The following HYAL4 variants were observed in gnomAD, a reference collection of about 807,000 sequenced individuals.
HYAL4 encodes hyaluronidase-4.
A neutral mutation model predicts 35.2 loss-of-function variants in HYAL4; 37 were observed. The ratio of observed to expected loss-of-function variants is 1.05; its 90% CI spans 0.81 to 1.38. HYAL4 has a LOEUF of 1.38. Ranked by LOEUF, HYAL4 falls within the 40% of genes most tolerant of loss-of-function variation. The probability of loss-of-function intolerance (pLI) is 0.00; values close to 1 mark genes in which losing one functional copy is unlikely to be tolerated. For synonymous variants in HYAL4, 198 were observed against 203.2 expected (o/e 0.97, Z 0.22); for missense variants, 572 against 572.4 (o/e 1.00, Z 0.01).
At chr7:123,856,896 A>T (rs1806449072) in intron 2 of HYAL4, among the ~76,000 whole-genome samples, 1 of 152,114 alleles carries the variant, frequency 6.6e-6, no homozygotes, top group Non-Finnish European at 1.5e-5. Flanking sequence ...GAGAGGAGGA[A>T]TCTAGAGAGG....
intron 2 of HYAL4, among the ~76,000 whole-genome samples, chr7:123,866,292 G>T (rs1219256288): frequency 6.6e-6 from 1 of 152,184 alleles, no homozygotes; most frequent in African/African-American, 2.4e-5. Context: ...CCAGCTTGCT[G>T]CTCCTTGACA....
At chr7:123,819,643 A>G in the HYAL4 span, among the ~76,000 whole-genome samples, 1 of 152,142 alleles carries the variant, frequency 6.6e-6, no homozygotes, top group Non-Finnish European at 1.5e-5. Flanking sequence ...CATTCTAATC[A>G]GACAGCTAAG....
chr7:123,835,892 C>T (rs2116910397), intron 1 of HYAL4, among the ~76,000 whole-genome samples: 1 of 152,164 alleles, frequency 6.6e-6, no homozygotes, highest in African/African-American at 2.4e-5. Context: ...TTTAAAGCTT[C>T]CTTTTTGGAG....
chr7:123,845,390 G>C lies in HYAL4; in HGVS notation c.-417G>C, dbSNP rs886871146. The C allele has an allele frequency of 1.5e-4, 22 of 151,466 alleles. No homozygotes were observed. Among genetic ancestry groups the C allele is most frequent in the African/African-American group, 5.1e-4 (21 of 41,202 alleles). 9.4% of individuals were successfully genotyped at this position (151,466 alleles called of 1,614,324 possible). ...TGCCCAGCTAATTTTTGTATTTTTA[G>C]TAGAGATGGGGTTTCACCATATTGG... On this transcript the variant is annotated 5_prime_UTR_variant, in exon 1 of 5. Coordinates refer to ENST00000223026, the MANE Select transcript of HYAL4 (RefSeq NM_012269.3).
chr7:123,769,312 A>G, the HYAL4 span, among the ~76,000 whole-genome samples: 1 of 152,198 alleles, frequency 6.6e-6, no homozygotes, highest in Non-Finnish European at 1.5e-5. Flanking sequence ...GTAGGAAGCC[A>G]ACTTTGGGAT....
upstream of HYAL4, among the ~76,000 whole-genome samples, chr7:123,840,647 T>C (rs952691549): frequency 7.2e-5 from 11 of 152,042 alleles, no homozygotes; most frequent in Non-Finnish European, 1.0e-4. Context: ...TTTGTTTGTG[T>C]CCTCTTTTAT....
chr7:123,777,039 A>G, the HYAL4 span, among the ~76,000 whole-genome samples: 2 of 152,208 alleles, frequency 1.3e-5, no homozygotes. Flanking sequence ...TAGGAGAATA[A>G]GAAGCTCACC....
the HYAL4 span, among the ~76,000 whole-genome samples, chr7:123,806,346 G>A: frequency 6.6e-6 from 1 of 152,180 alleles, no homozygotes; most frequent in African/African-American, 2.4e-5. Context: ...TTCCTTTCGT[G>A]TGGAGGCTTT....
At position 123,877,238 on chromosome 7, in the gene HYAL4, T is replaced by C; in HGVS notation, c.*83T>C. On this transcript the variant is annotated 3_prime_UTR_variant, in exon 5 of 5. Coordinates refer to ENST00000223026, the MANE Select transcript of HYAL4 (RefSeq NM_012269.3). ...GTAACTTATAACATTTTTTTTCTCT[T>C]ATGAATTCTATTGAGAGATATTATA... 1 of 1,299,928 alleles carries C rather than the reference T, an allele frequency of 7.7e-7. No individual in the cohort carries two copies. The highest frequency in any genetic ancestry group is 1.1e-6 in the Non-Finnish European group (1 of 940,378). The allele number at this position is 1,299,928 out of a possible 1,614,324, so 80.5% of individuals were successfully genotyped here.
At chr7:123,766,362 A>G in the HYAL4 span, among the ~76,000 whole-genome samples, 1 of 152,172 alleles carries the variant, frequency 6.6e-6, no homozygotes, top group Non-Finnish European at 1.5e-5. Flanking sequence ...CAGATAGCTA[A>G]TTGTTTGCTA....
chr7:123,791,790 G>C, the HYAL4 span, among the ~76,000 whole-genome samples: 1 of 152,194 alleles, frequency 6.6e-6, no homozygotes, highest in Non-Finnish European at 1.5e-5. Context: ...CCTCTCTGCT[G>C]ACTGCTTAGT....
At chr7:123,853,502 T>C (rs1184791003) in intron 2 of HYAL4, among the ~76,000 whole-genome samples, 4 of 152,254 alleles carry the variant, frequency 2.6e-5, no homozygotes, top group Admixed American at 2.6e-4. Context: ...GTTTTTGTCA[T>C]TGGTTCTGTT....
At chr7:123,814,852 C>G in the HYAL4 span, 1 of 152,656 alleles carries the variant, frequency 6.6e-6, no homozygotes, top group African/African-American at 2.4e-5. Flanking sequence ...AAGCGCAGCA[C>G]TTTATCCTTC....
At chr7:123,829,807 AG>A (rs1284384073) in intron 1 of HYAL4, among the ~76,000 whole-genome samples, 1 of 152,164 alleles carries the variant, frequency 6.6e-6, no homozygotes, top group East Asian at 1.9e-4. Flanking sequence ...CTGCAGTCTG[AG>A]TGACAAAGTG....
chr7:123,872,694 C>T (rs1280033629), intron 3 of HYAL4, among the ~76,000 whole-genome samples: 2 of 152,138 alleles, frequency 1.3e-5, no homozygotes, highest in East Asian at 3.9e-4. Context: ...TCAGGTGGTC[C>T]CAATCTGCTC....
intron 2 of HYAL4, among the ~76,000 whole-genome samples, chr7:123,856,675 C>T (rs887526470): frequency 3.3e-4 from 50 of 152,126 alleles, no homozygotes; most frequent in African/African-American, 1.1e-3. Flanking sequence ...GGGACCCATT[C>T]GAGGAGGCAG....
At position 123,869,117 on chromosome 7, in the gene HYAL4, G is replaced by T; in HGVS notation, c.844G>T (p.Val282Leu). 3 of 1,614,112 alleles carry T rather than the reference G, an allele frequency of 1.9e-6. No homozygotes were observed. Among genetic ancestry groups the T allele is most frequent in the Non-Finnish European group, 2.5e-6 (3 of 1,180,032 alleles). The change falls in exon 3 of 5, where the codon GTG becomes TTG. Residue 282 changes from valine to leucine, a missense_variant. Val to Leu is a conservative substitution (Grantham distance 32, BLOSUM62 1). Transcript: ENST00000223026. ...ENILRFSKFR[V>L]HESMRISTMT... The stretch of plus-strand genomic sequence containing the variant: ...CATTTTGCGCTTCTCCAAATTTCGG[G>T]TGCATGAATCCATGAGGATCTCCAC...
At chr7:123,768,917 A>G in the HYAL4 span, among the ~76,000 whole-genome samples, 1 of 152,126 alleles carries the variant, frequency 6.6e-6, no homozygotes, top group Non-Finnish European at 1.5e-5. Flanking sequence ...CCTTTTAATA[A>G]TTTCCTTTTT....
chr7:123,870,554 G>A (rs1806850019), intron 3 of HYAL4, among the ~76,000 whole-genome samples: 1 of 152,096 alleles, frequency 6.6e-6, no homozygotes, highest in Admixed American at 6.5e-5. Context: ...ACAAGGTCAG[G>A]AGTTTAAGAC....
Sources: allele counts gnomAD v4.1 joint callset (sites outside exome capture counted in the v4.1 genomes callset), GRCh38; gene constraint gnomAD v4.1.1; transcripts MANE v1.5; gene names NCBI Gene and HGNC (gene_info 2026-07-23, HGNC 2026-07-21).